SMARCB1: variants seen among roughly 807,000 people sequenced by gnomAD.
SMARCB1 encodes SWI/SNF-related matrix-associated actin-dependent regulator of chromatin subfamily B member 1.
Under a neutral mutation model 49.0 loss-of-function variants are expected in SMARCB1, and 5 were observed. That is an observed-to-expected ratio of 0.10 (90% CI 0.05 to 0.21). The LOEUF (loss-of-function observed/expected upper bound fraction) is 0.21, where lower values mean the gene tolerates loss of function less well. Ranked by LOEUF, SMARCB1 falls within the 10% of genes least tolerant of loss-of-function variation. The pLI, the probability that SMARCB1 is intolerant of heterozygous loss-of-function variation, is 1.00. For missense variants in SMARCB1, 226 were observed against 509.2 expected (o/e 0.44, Z 5.35); for synonymous variants, 201 against 200.1 (o/e 1.00, Z -0.04).
At chr22:23,821,995 G>A (rs1483799390) in intron 6 of SMARCB1, among the ~76,000 whole-genome samples, 3 of 152,214 alleles carry the variant, frequency 2.0e-5, no homozygotes, top group Non-Finnish European at 4.4e-5. Context: ...GAACCACTGT[G>A]CCTGGCCAGA....
intron 7 of SMARCB1, among the ~76,000 whole-genome samples, chr22:23,828,084 G>C (rs150719949): frequency 6.6e-6 from 1 of 152,082 alleles, no homozygotes; most frequent in Non-Finnish European, 1.5e-5. Flanking sequence ...ATGGGGTCTC[G>C]CTCTGTCGCC....
At chr22:23,833,827 A>C in intron 8 of SMARCB1, 124 bp downstream of exon 8, 1 of 1,124,006 alleles carries the variant, frequency 8.9e-7, no homozygotes, top group Non-Finnish European at 1.3e-6. Flanking sequence ...GTGCTGCTAG[A>C]GGCAGGCAGG....
intron 5 of SMARCB1, among the ~76,000 whole-genome samples, chr22:23,809,307 G>C (rs1929720267): frequency 7.2e-6 from 1 of 138,974 alleles, no homozygotes; most frequent in South Asian, 2.3e-4. Flanking sequence ...CGGAGTTTCT[G>C]CTCTTGTTGC....
At chr22:23,820,295 C>T (rs901112869) in intron 6 of SMARCB1, among the ~76,000 whole-genome samples, 6 of 152,048 alleles carry the variant, frequency 3.9e-5, no homozygotes, top group African/African-American at 1.4e-4. Context: ...TGGTAGATGG[C>T]CGGGTGCAGT....
At chr22:23,806,834 C>T (rs1929525020) in intron 5 of SMARCB1, among the ~76,000 whole-genome samples, 3 of 150,032 alleles carry the variant, frequency 2.0e-5, no homozygotes, top group African/African-American at 2.5e-5. Flanking sequence ...GCACAAGAAT[C>T]GCTTGAACCT....
In SMARCB1 at chr22:23,837,435, G is replaced by C. The variant is rs1043591497; in HGVS notation, c.*3255G>C. On this transcript the variant is annotated 3_prime_UTR_variant, in exon 9 of 9. Transcript: ENST00000644036. ...GACCCTCCCATCCTCACTCCCATCA[G>C]GACCGTGCAAGCATCAGTAGATCCG... 9.3e-6 allele frequency: 6 copies of C among 647,442 alleles called. No homozygotes were observed. The highest frequency in any genetic ancestry group is 1.6e-5 in the Non-Finnish European group (6 of 379,188). 40.1% of individuals were successfully genotyped at this position (647,442 alleles called of 1,614,324 possible).
At position 23,837,058 on chromosome 22, in the gene SMARCB1, A is replaced by G. The variant is rs1159466094; in HGVS notation, c.*2878A>G. 1.6e-5 allele frequency: 26 copies of G among 1,613,384 alleles called. No homozygotes were observed. Among genetic ancestry groups the G allele is most frequent in the Non-Finnish European group, 2.2e-5 (26 of 1,179,746 alleles). On this transcript the variant is annotated 3_prime_UTR_variant, in exon 9 of 9. Coordinates refer to ENST00000644036, the MANE Select transcript of SMARCB1 (RefSeq NM_003073.5). Reference sequence around the variant, plus strand: ...GGGAGAGGGAGGGAGGGCTCTCAACACTCACAGGAAGCCAGGGGTCTGCAG... The same window carrying G: ...GGGAGAGGGAGGGAGGGCTCTCAACGCTCACAGGAAGCCAGGGGTCTGCAG...
At chr22:23,807,961 ATTTTTTT>A (rs374625560) in intron 5 of SMARCB1, among the ~76,000 whole-genome samples, 16,019 of 104,992 alleles carry the variant, frequency 0.15, 1,024 homozygotes, top group South Asian at 0.3. Flanking sequence ...CACCCGGCTA[ATTTTTTT>A]TTTTTTTTTT....
In SMARCB1 at chr22:23,793,542, A is replaced by G. The variant is rs2145963504; in HGVS notation, c.233-17A>G. The G allele has an allele frequency of 1.9e-6, 3 of 1,598,930 alleles. No homozygotes were observed. The highest frequency in any genetic ancestry group is 2.2e-5 in the South Asian group (2 of 90,708). ...CCGCCACCAGCAGAGTGACCCAGTGATGTTTGTCTGTTACAGATCACGGAT... is the reference window on the plus strand; with the variant it reads ...CCGCCACCAGCAGAGTGACCCAGTGGTGTTTGTCTGTTACAGATCACGGAT... On this transcript the variant is annotated splice_polypyrimidine_tract_variant and intron_variant, in intron 2 of 8. Coordinates refer to ENST00000644036, the MANE Select transcript of SMARCB1 (RefSeq NM_003073.5).
At chr22:23,827,485 G>C (rs192379298) in intron 7 of SMARCB1, among the ~76,000 whole-genome samples, 4 of 152,344 alleles carry the variant, frequency 2.6e-5, no homozygotes, top group Non-Finnish European at 4.4e-5. Context: ...TTTAGAGGCA[G>C]AGGCGGGCCC....
Position 23,835,551 on chromosome 22 carries a change from G to A in SMARCB1, c.*1371G>A, listed in dbSNP as rs1411787717. 7 of 985,382 alleles carry A rather than the reference G, an allele frequency of 7.1e-6. No individual in the cohort carries two copies. The highest frequency in any genetic ancestry group is 8.4e-6 in the Non-Finnish European group (7 of 829,964). 61.0% of individuals were successfully genotyped at this position (985,382 alleles called of 1,614,324 possible). On this transcript the variant is annotated 3_prime_UTR_variant, in exon 9 of 9. Coordinates refer to ENST00000644036, the MANE Select transcript of SMARCB1 (RefSeq NM_003073.5). ...CATGTTAGCATGGGACTCTTCCCAGGGAGTTTGCACTCAGGGCCTCTGCCC... is the reference window on the plus strand; with the variant it reads ...CATGTTAGCATGGGACTCTTCCCAGAGAGTTTGCACTCAGGGCCTCTGCCC...
At chr22:23,793,327 G>T in intron 2 of SMARCB1, 1 of 612,860 alleles carries the variant, frequency 1.6e-6, no homozygotes, top group Non-Finnish European at 3.0e-6. Context: ...TGCTCCTGGG[G>T]CAGATTAGTC....
chr22:23,821,287 A>G (rs1029348935), intron 6 of SMARCB1, among the ~76,000 whole-genome samples: 3 of 152,192 alleles, frequency 2.0e-5, no homozygotes, highest in Non-Finnish European at 2.9e-5. Flanking sequence ...GACAGACTGC[A>G]TTTTTCAGGC....
intron 3 of SMARCB1, among the ~76,000 whole-genome samples, chr22:23,798,601 A>G (rs1004129756): frequency 2.0e-5 from 3 of 152,094 alleles, no homozygotes; most frequent in Admixed American, 1.3e-4. Flanking sequence ...CAGCCTCAGC[A>G]TCAGACGTGT....
At chr22:23,817,145 C>A in intron 6 of SMARCB1, 1 of 608,540 alleles carries the variant, frequency 1.6e-6, no homozygotes, top group Non-Finnish European at 2.9e-6. Context: ...ATTCCGGACA[C>A]ATTCAGGGGG....
At position 23,835,073 on chromosome 22, in the gene SMARCB1, A is replaced by G. The variant is rs1601449779; in HGVS notation, c.*893A>G. 1 of 1,398,420 alleles carries G rather than the reference A, an allele frequency of 7.2e-7. No individual in the cohort carries two copies. Among genetic ancestry groups the G allele is most frequent in the East Asian group, 2.7e-5 (1 of 37,218 alleles). The allele number at this position is 1,398,420 out of a possible 1,614,324, so 86.6% of individuals were successfully genotyped here. On this transcript the variant is annotated 3_prime_UTR_variant, in exon 9 of 9. Coordinates refer to ENST00000644036, the MANE Select transcript of SMARCB1 (RefSeq NM_003073.5). ...CCCAGCAGGTGCTGTGGCCTGGGCC[A>G]GCTCCTGCCTTACAAGCCAGCTGTG... is the stretch of plus-strand genomic sequence containing the variant.
chr22:23,811,362 G>A (rs7288119), intron 5 of SMARCB1, among the ~76,000 whole-genome samples: 6,428 of 152,204 alleles, frequency 0.042, 427 homozygotes, highest in African/African-American at 0.15. Flanking sequence ...TCAGCAAAAC[G>A]ATGTAAGATC....
chr22:23,829,893 A>T (rs2030568834), intron 7 of SMARCB1, among the ~76,000 whole-genome samples: 1 of 152,196 alleles, frequency 6.6e-6, no homozygotes, highest in Non-Finnish European at 1.5e-5. Context: ...CGGGTACTTC[A>T]TAGAAATGGA....
At chr22:23,820,133 G>C (rs934665983) in intron 6 of SMARCB1, among the ~76,000 whole-genome samples, 1 of 152,146 alleles carries the variant, frequency 6.6e-6, no homozygotes, top group African/African-American at 2.4e-5. Flanking sequence ...CAGTTTGCCA[G>C]CATTTTTTTG....
Sources: gnomAD v4.1 joint callset for allele counts (sites outside exome capture counted in the v4.1 genomes callset) on GRCh38, gnomAD v4.1.1 for gene constraint, MANE v1.5 for transcripts, NCBI Gene and HGNC (gene_info 2026-07-23, HGNC 2026-07-21) for gene names.